Variants in PHEX observed in about 807,000 individuals in gnomAD.
The protein encoded by PHEX is phosphate regulating endopeptidase X-linked, also known as phosphate-regulating neutral endopeptidase PHEX.
A neutral mutation model predicts 68.0 loss-of-function variants in PHEX; 16 were observed. The ratio of observed to expected loss-of-function variants is 0.24; its 90% CI spans 0.16 to 0.36. The LOEUF (loss-of-function observed/expected upper bound fraction) is 0.36. PHEX is among the 10% of genes least tolerant of loss of function. The pLI is 1.00. For synonymous variants in PHEX, 208 were observed against 205.1 expected (o/e 1.01, Z -0.12); for missense variants, 480 against 575.5 (o/e 0.83, Z 1.70).
intron 3 of PHEX, 145 bp from the exon 4 acceptor site, chrX:22,076,243 G>T (rs778675648): frequency 4.0e-6 from 2 of 498,238 alleles, no homozygotes; most frequent in Non-Finnish European, 7.2e-6. Flanking sequence ...TCTGTTGTCT[G>T]CATATCTTTG....
chrX:22,076,869 C>T (rs1948282150), intron 4 of PHEX, among the ~76,000 whole-genome samples: 1 of 111,729 alleles, frequency 9.0e-6, no homozygotes, highest in Non-Finnish European at 1.9e-5. Flanking sequence ...ATGCCAGGTT[C>T]CTGTGTCAGC....
At chrX:22,183,153 G>C (rs1405750464) in intron 14 of PHEX, among the ~76,000 whole-genome samples, 1 of 109,403 alleles carries the variant, frequency 9.1e-6, no homozygotes, top group Non-Finnish European at 1.9e-5. Flanking sequence ...CTGTTTTTAT[G>C]CTGCCTAGTC....
At chrX:22,132,604 C>T (rs1932057482) in intron 11 of PHEX, among the ~76,000 whole-genome samples, 1 of 111,700 alleles carries the variant, frequency 9.0e-6, no homozygotes, top group South Asian at 3.8e-4. Flanking sequence ...TCTCCCTGCC[C>T]GTTTCTCTGT....
chrX:22,189,151 T>A (rs902659283), intron 14 of PHEX, among the ~76,000 whole-genome samples: 4 of 112,965 alleles, frequency 3.5e-5, no homozygotes, highest in African/African-American at 1.3e-4. Flanking sequence ...TGTGTATATG[T>A]ACCACATTTT....
At chrX:22,111,389 T>A (rs761147203) in intron 9 of PHEX, 78 bp from the exon 10 acceptor site, 57 of 807,324 alleles carry the variant, frequency 7.1e-5, no homozygotes, top group Non-Finnish European at 4.5e-5. Context: ...CTTTGCCAAC[T>A]GTTTCTCTCA....
chrX:22,033,478 A>G (rs1322839368), intron 1 of PHEX, among the ~76,000 whole-genome samples: 1 of 112,074 alleles, frequency 8.9e-6, no homozygotes, highest in African/African-American at 3.2e-5. Flanking sequence ...TATTTTGAGG[A>G]AAGACTTTAC....
chrX:22,224,619 G>A (rs886308537), intron 18 of PHEX, among the ~76,000 whole-genome samples: 3 of 111,059 alleles, frequency 2.7e-5, no homozygotes, highest in Non-Finnish European at 5.7e-5. Flanking sequence ...TACACTCTCG[G>A]AGCTTTAGAT....
intron 18 of PHEX, among the ~76,000 whole-genome samples, chrX:22,223,660 A>T (rs1174565160): frequency 2.2e-5 from 2 of 89,298 alleles, no homozygotes; most frequent in Admixed American, 1.1e-4. Flanking sequence ...GAGGTGGAAG[A>T]ATTGTTGGAA....
At chrX:22,124,869 G>A (rs948039086) in intron 11 of PHEX, among the ~76,000 whole-genome samples, 7 of 111,629 alleles carry the variant, frequency 6.3e-5, no homozygotes, top group Non-Finnish European at 1.1e-4. Flanking sequence ...TTGCCAAAAT[G>A]TTTAATAGCT....
At chrX:22,168,466 C>G (rs1933412927) in intron 13 of PHEX, 77 bp downstream of exon 13, 1 of 655,871 alleles carries the variant, frequency 1.5e-6, no homozygotes, top group African/African-American at 2.1e-5. Flanking sequence ...AACCCAAGTC[C>G]TAGCAATTAA....
intron 12 of PHEX, among the ~76,000 whole-genome samples, chrX:22,134,530 T>C (rs1932152085): frequency 1.8e-5 from 2 of 111,981 alleles, no homozygotes; most frequent in Non-Finnish European, 3.8e-5. Context: ...GAGGCGGAGG[T>C]TGCAGTGAGT....
intron 9 of PHEX, among the ~76,000 whole-genome samples, chrX:22,106,130 G>T (rs4824175): frequency 1.1e-3 from 120 of 110,357 alleles, no homozygotes; most frequent in African/African-American, 3.6e-3. Flanking sequence ...GTTGCTGACT[G>T]TGATTTTTGC....
intron 20 of PHEX, among the ~76,000 whole-genome samples, chrX:22,244,510 G>A (rs1189108523): frequency 7.2e-5 from 8 of 111,240 alleles, no homozygotes; most frequent in African/African-American, 2.3e-4. Flanking sequence ...GCTGAGGCAG[G>A]AGAATCGCTT....
At chrX:22,138,376 C>CG (rs1390138659) in intron 12 of PHEX, among the ~76,000 whole-genome samples, 2 of 112,507 alleles carry the variant, frequency 1.8e-5, no homozygotes, top group African/African-American at 3.2e-5. Flanking sequence ...CCCTTTTCTG[C>CG]GGGGGCCTTC....
chrX:22,092,077 C>CA (rs1438851823), intron 6 of PHEX, among the ~76,000 whole-genome samples: 2 of 111,713 alleles, frequency 1.8e-5, no homozygotes, highest in Non-Finnish European at 3.8e-5. Context: ...CCATATCACC[C>CA]ACCTCACAGG....
chrX:22,131,977 C>T lies in PHEX; in HGVS notation c.1303-1546C>T, dbSNP rs764322429. 1.4e-3 allele frequency among the ~76,000 whole-genome samples: 154 copies of T among 112,215 alleles called. 1 individual carries two copies. The highest frequency in any genetic ancestry group is 4.9e-3 in the African/African-American group (150 of 30,904). On this transcript the variant is annotated intron_variant, in intron 11 of 21. Transcript: ENST00000379374. ...GTCCTCTCTTCTGGTCCACAGACACCGGCAGCAAAGCCAGGCACGTACATC... is the reference window on the plus strand; with the variant it reads ...GTCCTCTCTTCTGGTCCACAGACACTGGCAGCAAAGCCAGGCACGTACATC...
intron 17 of PHEX, among the ~76,000 whole-genome samples, chrX:22,221,336 A>T (rs760358659): frequency 3.6e-5 from 4 of 112,537 alleles, no homozygotes. Context: ...ACAGAATCCA[A>T]GATTGAATAA....
chrX:22,180,215 A>T (rs1933843062), intron 14 of PHEX, among the ~76,000 whole-genome samples: 1 of 110,933 alleles, frequency 9.0e-6, no homozygotes, highest in African/African-American at 3.3e-5. Context: ...CCTTGAGTCC[A>T]TAGGGCTTCT....
At chrX:22,106,965 G>C (rs1203454877) in intron 9 of PHEX, among the ~76,000 whole-genome samples, 1 of 110,463 alleles carries the variant, frequency 9.1e-6, no homozygotes, top group Admixed American at 9.6e-5. Flanking sequence ...ATTTATGTTG[G>C]GTCCCACTTT....
Sources: gnomAD v4.1 joint callset for allele counts (sites outside exome capture counted in the v4.1 genomes callset) on GRCh38, gnomAD v4.1.1 for gene constraint, MANE v1.5 for transcripts, NCBI Gene and HGNC (gene_info 2026-07-23, HGNC 2026-07-21) for gene names.